Variants in MINDY4 observed in about 807,000 individuals in gnomAD.
MINDY4 encodes MINDY lysine 48 deubiquitinase 4, also known as probable ubiquitin carboxyl-terminal hydrolase MINDY-4.
Under a neutral mutation model 87.0 loss-of-function variants are expected in MINDY4, and 68 were observed. The observed-to-expected ratio is 0.78, with a 90% CI of 0.64 to 0.96. The LOEUF (loss-of-function observed/expected upper bound fraction) is 0.96, where lower values mean the gene tolerates loss of function less well. Ranked by LOEUF, MINDY4 falls within the 40% of genes least tolerant of loss-of-function variation. The pLI is 0.00. For missense variants in MINDY4, 919 were observed against 928.2 expected, an observed-to-expected ratio of 0.99 and a Z score of 0.13; for synonymous variants, 379 against 363.2, an observed-to-expected ratio of 1.04 and a Z score of -0.50.
chr7:30,772,085 C>A (rs1647601305), intron 1 of MINDY4, among the ~76,000 whole-genome samples: 1 of 152,208 alleles, frequency 6.6e-6, no homozygotes, highest in Admixed American at 6.5e-5. Flanking sequence ...ATTGTCTTGT[C>A]CCAGGAGAGT....
chr7:30,810,512 A>C (rs983953967), intron 5 of MINDY4, among the ~76,000 whole-genome samples: 14 of 152,130 alleles, frequency 9.2e-5, no homozygotes, highest in African/African-American at 3.4e-4. Flanking sequence ...TATACAAAAA[A>C]TTCTGTGTGT....
intron 14 of MINDY4, among the ~76,000 whole-genome samples, chr7:30,874,830 C>T (rs569860974): frequency 4.2e-4 from 64 of 152,336 alleles, no homozygotes; most frequent in African/African-American, 1.4e-3. Flanking sequence ...ATTGGTACTG[C>T]ACCATGGTCA....
At chr7:30,822,920 A>G (rs1246257065) in intron 5 of MINDY4, among the ~76,000 whole-genome samples, 4 of 152,024 alleles carry the variant, frequency 2.6e-5, no homozygotes, top group Non-Finnish European at 5.9e-5. Flanking sequence ...CTGAGATTAC[A>G]GGTGTGAGCC....
At chr7:30,859,631 C>T (rs567219255) in intron 13 of MINDY4, among the ~76,000 whole-genome samples, 5 of 152,312 alleles carry the variant, frequency 3.3e-5, no homozygotes, top group South Asian at 4.1e-4. Flanking sequence ...GGGGGATGCC[C>T]CTGGCACTTG....
intron 17 of MINDY4, among the ~76,000 whole-genome samples, chr7:30,889,045 C>T (rs373908456): frequency 5.9e-5 from 9 of 151,802 alleles, no homozygotes; most frequent in African/African-American, 1.2e-4. Flanking sequence ...TAGAGAGGGG[C>T]GGGGTGAAGG....
chr7:30,772,403 A>G (rs1202742751), intron 1 of MINDY4, among the ~76,000 whole-genome samples: 1 of 152,220 alleles, frequency 6.6e-6, no homozygotes, highest in African/African-American at 2.4e-5. Flanking sequence ...AATATTTGCT[A>G]CTAGTTTGCA....
At chr7:30,831,932 C>A (rs1788715478) in intron 6 of MINDY4, among the ~76,000 whole-genome samples, 1 of 152,258 alleles carries the variant, frequency 6.6e-6, no homozygotes, top group Non-Finnish European at 1.5e-5. Context: ...AAATAGCATT[C>A]TCAAACCACT....
chr7:30,824,348 C>T (rs1311415699), intron 5 of MINDY4, among the ~76,000 whole-genome samples: 1 of 152,214 alleles, frequency 6.6e-6, no homozygotes, highest in African/African-American at 2.4e-5. Context: ...TTAATCCATT[C>T]ATGAGGGCAA....
intron 12 of MINDY4, among the ~76,000 whole-genome samples, chr7:30,857,474 T>G (rs1159841243): frequency 1.6e-5 from 1 of 60,968 alleles, no homozygotes; most frequent in African/African-American, 3.2e-4. Flanking sequence ...TTTTTTTTTT[T>G]TTTTTTTTTT....
chr7:30,888,437 C>A lies in MINDY4; in HGVS notation c.2226-3520C>A, dbSNP rs545433115. Among the ~76,000 whole-genome samples the A allele has an allele frequency of 1.3e-4, 20 of 152,326 alleles. No individual in the cohort carries two copies. In the South Asian group the frequency reaches 2.3e-3, roughly 17 times the overall value. ...TGCCTTAGGTACCGAGGATGAGAGA[C>A]CCGGCTATAAACTGGCTGGCTGTCA... is the stretch of plus-strand genomic sequence containing the variant. On this transcript the variant is annotated intron_variant, in intron 17 of 17. Transcript: ENST00000265299.
chr7:30,835,752 C>T (rs558207007), intron 6 of MINDY4, among the ~76,000 whole-genome samples: 1 of 152,374 alleles, frequency 6.6e-6, no homozygotes, highest in East Asian at 1.9e-4. Flanking sequence ...CTCAGCTACC[C>T]TCTGGAGTTC....
intron 13 of MINDY4, among the ~76,000 whole-genome samples, chr7:30,859,988 A>T (rs1292268884): frequency 6.6e-6 from 1 of 152,166 alleles, no homozygotes; most frequent in African/African-American, 2.4e-5. Flanking sequence ...TCACCTGGGC[A>T]TGTCACCAGG....
At chr7:30,891,829 C>A in intron 17 of MINDY4, 128 bp from the exon 18 acceptor site, 2 of 875,004 alleles carry the variant, frequency 2.3e-6, no homozygotes, top group Non-Finnish European at 3.8e-6. Context: ...GTGAGATGAG[C>A]AGGATGGAAA....
chr7:30,882,458 T>A, intron 16 of MINDY4, 97 bp downstream of exon 16: 1 of 1,045,582 alleles, frequency 9.6e-7, no homozygotes, highest in Non-Finnish European at 1.3e-6. Context: ...CCAACCCCCA[T>A]GACAGAGAGC....
intron 13 of MINDY4, among the ~76,000 whole-genome samples, chr7:30,867,908 A>C (rs1789989465): frequency 6.6e-6 from 1 of 152,154 alleles, no homozygotes; most frequent in African/African-American, 2.4e-5. Flanking sequence ...ACATCCTAGG[A>C]GGCCCCTAGA....
chr7:30,860,530 G>T (rs62449120), intron 13 of MINDY4, among the ~76,000 whole-genome samples: 1 of 152,120 alleles, frequency 6.6e-6, no homozygotes, highest in African/African-American at 2.4e-5. Flanking sequence ...TTTCTGGGCT[G>T]ACGGGTTGGG....
At chr7:30,795,458 G>T (rs1245755390) in intron 5 of MINDY4, among the ~76,000 whole-genome samples, 3 of 152,226 alleles carry the variant, frequency 2.0e-5, no homozygotes, top group Non-Finnish European at 4.4e-5. Context: ...GGATCCAGGG[G>T]TACCAAGATA....
intron 2 of MINDY4, among the ~76,000 whole-genome samples, chr7:30,779,360 G>T (rs1197696105): frequency 1.3e-5 from 2 of 152,176 alleles, no homozygotes; most frequent in African/African-American, 4.8e-5. Flanking sequence ...ACGAATGAAT[G>T]AAACTACACT....
chr7:30,774,154 G>C (rs1354723690), intron 1 of MINDY4, among the ~76,000 whole-genome samples: 1 of 152,160 alleles, frequency 6.6e-6, no homozygotes, highest in African/African-American at 2.4e-5. Context: ...TGAGACCCTG[G>C]ATGACCATTT....
Sources: allele counts gnomAD v4.1 joint callset (sites outside exome capture counted in the v4.1 genomes callset), GRCh38; gene constraint gnomAD v4.1.1; transcripts MANE v1.5; gene names NCBI Gene and HGNC (gene_info 2026-07-23, HGNC 2026-07-21).